FCHSD2: variants seen among roughly 807,000 people sequenced by gnomAD.
The protein encoded by FCHSD2 is FCH and double SH3 domains 2.
In FCHSD2, 38 loss-of-function variants were observed where a neutral mutation model predicts 108.1. That is an observed-to-expected ratio of 0.35 (90% CI 0.27 to 0.46). The LOEUF (loss-of-function observed/expected upper bound fraction) is 0.46. Ranked by LOEUF, FCHSD2 falls within the 20% of genes least tolerant of loss-of-function variation. The probability of loss-of-function intolerance (pLI) is 1.00; values close to 1 mark genes in which losing one functional copy is unlikely to be tolerated. For synonymous variants in FCHSD2, 279 were observed against 314.7 expected, an observed-to-expected ratio of 0.89 and a Z score of 1.20; for missense variants, 751 against 897.8, an observed-to-expected ratio of 0.84 and a Z score of 2.09.
intron 14 of FCHSD2, among the ~76,000 whole-genome samples, chr11:72,846,781 TC>T (rs1354806582): frequency 3.3e-5 from 5 of 152,210 alleles, no homozygotes; most frequent in Non-Finnish European, 7.3e-5. Flanking sequence ...TACATGTTCA[TC>T]GTAGAAAAGC....
intron 8 of FCHSD2, among the ~76,000 whole-genome samples, chr11:72,937,440 C>A (rs1056513637): frequency 6.6e-6 from 1 of 152,140 alleles, no homozygotes; most frequent in African/African-American, 2.4e-5. Flanking sequence ...ATTCAGTAAA[C>A]AATATCTCTG....
chr11:72,980,130 G>A (rs1361421783), intron 8 of FCHSD2, among the ~76,000 whole-genome samples: 3 of 152,132 alleles, frequency 2.0e-5, no homozygotes, highest in Non-Finnish European at 4.4e-5. Context: ...TCTTCCAACG[G>A]TTTCTATCGT....
At chr11:72,949,684 A>G (rs1289003032) in intron 8 of FCHSD2, among the ~76,000 whole-genome samples, 2 of 152,190 alleles carry the variant, frequency 1.3e-5, no homozygotes, top group Non-Finnish European at 2.9e-5. Context: ...AGGTCTACCC[A>G]TGTTGTAGCA....
At chr11:73,065,055 A>G (rs1274127717) in intron 3 of FCHSD2, among the ~76,000 whole-genome samples, 1 of 152,180 alleles carries the variant, frequency 6.6e-6, no homozygotes, top group Non-Finnish European at 1.5e-5. Flanking sequence ...ACACAACAAA[A>G]AAAGAAAATT....
intron 3 of FCHSD2, among the ~76,000 whole-genome samples, chr11:73,072,611 A>G (rs566264426): frequency 6.6e-6 from 1 of 152,342 alleles, no homozygotes; most frequent in Non-Finnish European, 1.5e-5. Context: ...GACACAGAAA[A>G]TAATACTCAA....
At chr11:73,123,825 T>A (rs1216843663) in intron 2 of FCHSD2, among the ~76,000 whole-genome samples, 2 of 152,208 alleles carry the variant, frequency 1.3e-5, no homozygotes. Context: ...TAAAAGGGAA[T>A]CTTTAAACTT....
chr11:73,044,248 C>T (rs1321625880), intron 3 of FCHSD2, among the ~76,000 whole-genome samples: 1 of 152,078 alleles, frequency 6.6e-6, no homozygotes, highest in African/African-American at 2.4e-5. Flanking sequence ...CTTATTAACG[C>T]TGAATTCCTC....
intron 3 of FCHSD2, among the ~76,000 whole-genome samples, chr11:73,080,734 A>G (rs1174709769): frequency 6.6e-6 from 1 of 152,104 alleles, no homozygotes; most frequent in Non-Finnish European, 1.5e-5. Context: ...ATCTGAGGTC[A>G]GCAGTTCAAA....
At chr11:73,064,271 G>A (rs1013609553) in intron 3 of FCHSD2, among the ~76,000 whole-genome samples, 16 of 151,968 alleles carry the variant, frequency 1.1e-4, no homozygotes, top group African/African-American at 3.9e-4. Flanking sequence ...AGAATCTCTG[G>A]GACACATTTA....
At chr11:72,998,828 G>C (rs914712395) in intron 5 of FCHSD2, among the ~76,000 whole-genome samples, 2 of 152,170 alleles carry the variant, frequency 1.3e-5, no homozygotes, top group Non-Finnish European at 2.9e-5. Flanking sequence ...AACAGATGTT[G>C]GCAAGGCTGT....
At position 72,953,638 on chromosome 11, in the gene FCHSD2, A is replaced by AC. The variant is rs1555061967; in HGVS notation, c.705+30449dup. 2.7e-5 allele frequency among the ~76,000 whole-genome samples: 4 copies of AC among 149,612 alleles called. No homozygotes were observed. The South Asian group carries it at 6.4e-4, about 24-fold the overall frequency. On this transcript the variant is annotated intron_variant, in intron 8 of 19. Transcript: ENST00000409418. Reference sequence around the variant, plus strand: ...AGACACTGCATGGGGGAAAAAAAAAACACAAAAACTCTTGCTCTTAAATGT... The same window carrying AC: ...AGACACTGCATGGGGGAAAAAAAAAACCACAAAAACTCTTGCTCTTAAATGT...
intron 3 of FCHSD2, among the ~76,000 whole-genome samples, chr11:73,074,809 G>T (rs1170314499): frequency 6.6e-6 from 1 of 152,152 alleles, no homozygotes; most frequent in Non-Finnish European, 1.5e-5. Context: ...CACTTTGGGA[G>T]GCTGAGGTAG....
At chr11:73,117,087 T>C (rs1860622028) in intron 2 of FCHSD2, among the ~76,000 whole-genome samples, 1 of 152,246 alleles carries the variant, frequency 6.6e-6, no homozygotes, top group African/African-American at 2.4e-5. Context: ...TACGTATTTT[T>C]GTTTTCCATT....
chr11:72,894,389 T>A (rs1208212349), intron 10 of FCHSD2, among the ~76,000 whole-genome samples: 1 of 151,884 alleles, frequency 6.6e-6, no homozygotes, highest in Non-Finnish European at 1.5e-5. Context: ...TTAAAAAAAA[T>A]TAGCACATAC....
Position 72,837,158 on chromosome 11 carries a change from C to A in FCHSD2, c.*1633G>T, listed in dbSNP as rs1860753193. On this transcript the variant is annotated 3_prime_UTR_variant, in exon 20 of 20. Coordinates refer to ENST00000409418, the MANE Select transcript of FCHSD2 (RefSeq NM_014824.3). ...CTTAAAAAAACCACCCTTTTAATTT[C>A]TTTTTTAAACTTAAGAATAAGTTTG... 6.6e-6 allele frequency: 1 copy of A among 151,938 alleles called. No homozygotes were observed. The highest frequency in any genetic ancestry group is 1.9e-4 in the East Asian group (1 of 5,192). 9.4% of individuals were successfully genotyped at this position (151,938 alleles called of 1,614,324 possible). A position where few individuals can be genotyped will look rare whatever the true frequency, so the allele number is the denominator to read the frequency against.
At chr11:72,904,153 T>C (rs1020749258) in intron 9 of FCHSD2, among the ~76,000 whole-genome samples, 2 of 152,194 alleles carry the variant, frequency 1.3e-5, no homozygotes, top group Non-Finnish European at 2.9e-5. Flanking sequence ...TGTCAGAATA[T>C]GGTCTGGGAA....
chr11:72,889,943 G>C lies in FCHSD2; in HGVS notation c.927C>G (p.Ser309Arg), dbSNP rs754641064. 5.7e-6 allele frequency: 9 copies of C among 1,586,850 alleles called. No individual in the cohort carries two copies. Among genetic ancestry groups the C allele is most frequent in the Non-Finnish European group, 7.8e-6 (9 of 1,155,504 alleles). Reference protein sequence around the residue: ...FQFQPCDSDTSRQLESETGTT... With the variant: ...FQFQPCDSDTRRQLESETGTT... Reference sequence around the variant, plus strand: ...TCCCAGTTTCTGATTCTAACTGTCGGCTCTACAATACAAGAGAGAACAGAG... The same window carrying C: ...TCCCAGTTTCTGATTCTAACTGTCGCCTCTACAATACAAGAGAGAACAGAG... The change falls in exon 11 of 20, where the codon AGC becomes AGG. Residue 309 changes from serine (S) to arginine (R), a missense_variant and splice_region_variant. By Grantham distance (110) the Ser-to-Arg change is moderately radical. Coordinates refer to ENST00000409418, the MANE Select transcript of FCHSD2 (RefSeq NM_014824.3).
chr11:73,023,156 C>T (rs2135441677), intron 3 of FCHSD2, among the ~76,000 whole-genome samples: 2 of 152,168 alleles, frequency 1.3e-5, no homozygotes, highest in South Asian at 4.1e-4. Flanking sequence ...TAACATATAA[C>T]ACCAGAACCA....
chr11:73,029,210 A>C (rs1021092191), intron 3 of FCHSD2, among the ~76,000 whole-genome samples: 6 of 152,216 alleles, frequency 3.9e-5, no homozygotes, highest in Admixed American at 3.9e-4. Context: ...GTAGGAAACA[A>C]CTTTGGGGGA....
Sources: gnomAD v4.1 joint callset for allele counts (sites outside exome capture counted in the v4.1 genomes callset) on GRCh38, gnomAD v4.1.1 for gene constraint, MANE v1.5 for transcripts, NCBI Gene and HGNC (gene_info 2026-07-23, HGNC 2026-07-21) for gene names.